LRRC19: variants seen among roughly 807,000 people sequenced by gnomAD.
LRRC19 encodes leucine-rich repeat-containing protein 19.
A neutral mutation model predicts 33.3 loss-of-function variants in LRRC19; 33 were observed. The observed-to-expected ratio is 0.99, with a 90% confidence interval of 0.75 to 1.33. LRRC19 has a LOEUF of 1.33. LRRC19 is among the 40% of genes most tolerant of loss of function. The pLI, the probability that LRRC19 is intolerant of heterozygous loss-of-function variation, is 0.00. For missense variants in LRRC19, 463 were observed against 417.3 expected, an observed-to-expected ratio of 1.11 and a Z score of -0.95; for synonymous variants, 184 against 152.3, an observed-to-expected ratio of 1.21 and a Z score of -1.53.
In LRRC19 at chr9:26,996,359, T is replaced by C. The variant is rs775823148; in HGVS notation, c.736A>G (p.Ser246Gly). The change falls in exon 4 of 5, where the codon AGC (serine) becomes GGC (glycine). Residue 246 changes from serine (S) to glycine (G), a missense_variant. Coordinates refer to ENST00000380055, the MANE Select transcript of LRRC19 (RefSeq NM_022901.3). ...EDLYIHFQPI[S>G]NSIFNSSSNN... ...GAAGAGCTATTAAATATTGAATTGC[T>C]GATGGGCTGAAAATGAATATAAAGA... 1 of 1,608,308 alleles carries C rather than the reference T, an allele frequency of 6.2e-7. No individual in the cohort carries two copies. Among genetic ancestry groups the C allele is most frequent in the Non-Finnish European group, 8.5e-7 (1 of 1,176,470 alleles).
At chr9:26,999,451 G>C (rs1488369791) in intron 2 of LRRC19, among the ~76,000 whole-genome samples, 163 bp downstream of exon 2, 1 of 152,036 alleles carries the variant, frequency 6.6e-6, no homozygotes, top group Non-Finnish European at 1.5e-5. Context: ...ATAAATGAAG[G>C]CTGCTTTTGT....
At chr9:27,003,182 T>C (rs188625093) in intron 1 of LRRC19, among the ~76,000 whole-genome samples, 3 of 152,258 alleles carry the variant, frequency 2.0e-5, no homozygotes, top group Admixed American at 6.5e-5. Flanking sequence ...TTTTACAGAT[T>C]TTTTGTGGAG....
chr9:26,994,185 C>T lies in LRRC19; in HGVS notation c.*1336G>A, dbSNP rs558616308. The T allele has an allele frequency of 6.6e-6, 1 of 152,286 alleles. No homozygotes were observed. The highest frequency in any genetic ancestry group is 2.4e-5 in the African/African-American group (1 of 41,562). The allele number at this position is 152,286 out of a possible 1,614,324, so 9.4% of individuals were successfully genotyped here. On this transcript the variant is annotated 3_prime_UTR_variant, in exon 5 of 5. Coordinates refer to ENST00000380055, the MANE Select transcript of LRRC19 (RefSeq NM_022901.3). ...AAGTAAGTTTGAGAAATTTTTAATACTTTGCTCTTGAATAATCAGAGAGCA... is the reference window on the plus strand; with the variant it reads ...AAGTAAGTTTGAGAAATTTTTAATATTTTGCTCTTGAATAATCAGAGAGCA...
intron 1 of LRRC19, among the ~76,000 whole-genome samples, chr9:27,003,873 G>A (rs1806877907): frequency 6.6e-6 from 1 of 152,204 alleles, no homozygotes; most frequent in Non-Finnish European, 1.5e-5. Context: ...TTTACAAAAG[G>A]TAGTTTACCT....
In LRRC19 at chr9:26,993,507, A is replaced by G. The variant is rs1226406646; in HGVS notation, c.*2014T>C. On this transcript the variant is annotated 3_prime_UTR_variant, in exon 5 of 5. Coordinates refer to ENST00000380055, the MANE Select transcript of LRRC19 (RefSeq NM_022901.3). ...AGTTCTTCTATTTTACAGGTATATC[A>G]TCCTAGTTTTTATTTTCTCTCAGTA... 1.3e-5 allele frequency: 2 copies of G among 152,522 alleles called. No individual in the cohort carries two copies. The highest frequency in any genetic ancestry group is 2.4e-5 in the African/African-American group (1 of 41,428). The allele number at this position is 152,522 out of a possible 1,614,324, so 9.4% of individuals were successfully genotyped here. A position where few individuals can be genotyped will look rare whatever the true frequency, so the allele number is the denominator to read the frequency against.
intron 1 of LRRC19, among the ~76,000 whole-genome samples, chr9:27,002,724 A>T (rs980686495): frequency 9.9e-5 from 15 of 152,188 alleles, no homozygotes; most frequent in African/African-American, 3.6e-4. Flanking sequence ...AGGTAGTGTG[A>T]TGCCTCCAGC....
chr9:27,004,703 AT>A (rs1167531796), intron 1 of LRRC19, among the ~76,000 whole-genome samples: 1 of 152,052 alleles, frequency 6.6e-6, no homozygotes, highest in South Asian at 2.1e-4. Flanking sequence ...TCTAATTTGG[AT>A]TTTTTTTGAA....
chr9:26,998,057 T>C lies in LRRC19; in HGVS notation c.266A>G (p.His89Arg). 1 of 1,613,530 alleles carries C rather than the reference T, an allele frequency of 6.2e-7. No individual in the cohort carries two copies. The highest frequency in any genetic ancestry group is 8.5e-7 in the Non-Finnish European group (1 of 1,179,586). ...YLIENKVTIL[H>R]NNGFGNLSSL... Reference sequence around the variant, plus strand: ...GGAGAGGTTACCAAAACCGTTATTATGTAAGATAGTAACCTTGTTCTCAAT... The same window carrying C: ...GGAGAGGTTACCAAAACCGTTATTACGTAAGATAGTAACCTTGTTCTCAAT... Residue 89 changes from histidine (H) to arginine (R), a missense_variant, in exon 3 of 5, where the codon CAT (histidine) becomes CGT (arginine). By Grantham distance (29) the His-to-Arg change is conservative. Transcript: ENST00000380055.
At position 27,005,355 on chromosome 9, in the gene LRRC19, C is replaced by A. The variant is rs796641024; in HGVS notation, c.-10+237G>T. Among the ~76,000 whole-genome samples the A allele has an allele frequency of 2.2e-3, 90 of 40,956 alleles. 2 individuals carry two copies. The highest frequency in any genetic ancestry group is 3.3e-3 in the African/African-American group (33 of 9,932). The allele number at this position is 40,956 out of a possible 152,430, so 26.9% of individuals were successfully genotyped here. ...TGATTGGCTAGATGAAACCATTTCC[C>A]CCCCCGCCCCCCGCAAAACAATTAC... On this transcript the variant is annotated intron_variant, in intron 1 of 4. Transcript: ENST00000380055.
In LRRC19 at chr9:26,997,737, C is replaced by A; in HGVS notation, c.586G>T (p.Val196Leu). 1 of 1,600,580 alleles carries A rather than the reference C, an allele frequency of 6.2e-7. No homozygotes were observed. Among genetic ancestry groups the A allele is most frequent in the South Asian group, 1.1e-5 (1 of 87,726 alleles). ...NLQNWLNTSN[V>L]TLENENITMC... ...AATTATGATAGCTTACCTAATGTCA[C>A]ATTTGATGTGTTCAACCAGTTCTGC... Residue 196 changes from valine (V) to leucine (L), a missense_variant, in exon 3 of 5, where the codon GTG (valine) becomes TTG (leucine). Transcript: ENST00000380055.
At position 27,003,358 on chromosome 9, in the gene LRRC19, A is replaced by G. The variant is rs933002145; in HGVS notation, c.-10+2234T>C. On this transcript the variant is annotated intron_variant, in intron 1 of 4. Coordinates refer to ENST00000380055, the MANE Select transcript of LRRC19 (RefSeq NM_022901.3). Reference sequence around the variant, plus strand: ...GCCAACATGGCGAAACCTCATCTCTACTACAATTACAAAAATTAGCCGGGT... The same window carrying G: ...GCCAACATGGCGAAACCTCATCTCTGCTACAATTACAAAAATTAGCCGGGT... 5.9e-5 allele frequency among the ~76,000 whole-genome samples: 9 copies of G among 152,090 alleles called. No homozygotes were observed. In the South Asian group the frequency reaches 1.5e-3, roughly 25 times the overall value.
At chr9:26,997,596 A>C (rs1358766336) in intron 3 of LRRC19, 132 bp downstream of exon 3, 1 of 931,002 alleles carries the variant, frequency 1.1e-6, no homozygotes, top group African/African-American at 1.7e-5. Context: ...GGCCTCCCAT[A>C]GTGATGGGAT....
intron 1 of LRRC19, among the ~76,000 whole-genome samples, chr9:27,002,236 A>G (rs1188543875): frequency 6.6e-6 from 1 of 152,198 alleles, no homozygotes; most frequent in Non-Finnish European, 1.5e-5. Flanking sequence ...GGTTCAAGTG[A>G]TTCTCATGCC....
intron 1 of LRRC19, among the ~76,000 whole-genome samples, chr9:27,000,852 A>C (rs1482484585): frequency 6.6e-6 from 1 of 152,178 alleles, no homozygotes; most frequent in Non-Finnish European, 1.5e-5. Context: ...TGAAGGAAAA[A>C]AATTACTGTA....
intron 1 of LRRC19, among the ~76,000 whole-genome samples, chr9:27,000,475 CT>C (rs1283016181): frequency 6.6e-6 from 1 of 152,096 alleles, no homozygotes; most frequent in Admixed American, 6.6e-5. Flanking sequence ...CTTTAGCACT[CT>C]TTTTCCCCCC....
chr9:27,005,215 A>G (rs905550150), intron 1 of LRRC19, among the ~76,000 whole-genome samples: 2 of 152,080 alleles, frequency 1.3e-5, no homozygotes, highest in Non-Finnish European at 2.9e-5. Flanking sequence ...GCCTGCTTCA[A>G]TAATCATCAA....
intron 1 of LRRC19, among the ~76,000 whole-genome samples, chr9:27,004,185 G>A (rs1333476251): frequency 1.3e-5 from 2 of 152,160 alleles, no homozygotes; most frequent in South Asian, 2.1e-4. Context: ...AAATGGAGAC[G>A]GAGTATGGTT....
rs374788976 is a variant in LRRC19, at chr9:26,995,679, C to T, written c.955G>A (p.Gly319Ser). The T allele has an allele frequency of 1.2e-6, 2 of 1,613,666 alleles. No homozygotes were observed. The highest frequency in any genetic ancestry group is 1.7e-5 in the Admixed American group (1 of 59,974). Residue 319 changes from glycine to serine, a missense_variant, in exon 5 of 5, where the codon GGT becomes AGT. Physicochemically the swap from Gly to Ser is moderately conservative, Grantham distance 56. Coordinates refer to ENST00000380055, the MANE Select transcript of LRRC19 (RefSeq NM_022901.3). ...AGAGAGCTTGGATTTCCAGTAAAAC[C>T]ATCTTCATAGGTTTCTGCTTCATGC... ...EEHEAETYED[G>S]FTGNPSSLSQ... is the part of the protein sequence containing the mutation.
intron 2 of LRRC19, among the ~76,000 whole-genome samples, chr9:26,999,351 C>G (rs1019930132): frequency 2.6e-5 from 4 of 152,048 alleles, no homozygotes; most frequent in African/African-American, 9.7e-5. Flanking sequence ...ACATTTTAAA[C>G]AAGATTTTAC....
Sources: allele counts gnomAD v4.1 joint callset (sites outside exome capture counted in the v4.1 genomes callset), GRCh38; gene constraint gnomAD v4.1.1; transcripts MANE v1.5; gene names NCBI Gene and HGNC (gene_info 2026-07-23, HGNC 2026-07-21).